The following WWOX variants were observed in gnomAD, a reference collection of about 807,000 sequenced individuals.
The protein encoded by WWOX is WW domain-containing oxidoreductase.
In WWOX, 69 loss-of-function variants were observed where a neutral mutation model predicts 46.2. The ratio of observed to expected loss-of-function variants is 1.49; its 90% CI spans 1.23 to 1.82. The LOEUF (loss-of-function observed/expected upper bound fraction) is 1.82. Among genes scored for constraint, WWOX ranks in the 40% most tolerant of loss-of-function variants. The pLI, the probability that WWOX is intolerant of heterozygous loss-of-function variation, is 0.00. For missense variants in WWOX, 919 were observed against 542.6 expected (o/e 1.69, Z -6.89); for synonymous variants, 359 against 202.6 (o/e 1.77, Z -6.56).
At chr16:78,830,194 G>A (rs6420408) in intron 8 of WWOX, among the ~76,000 whole-genome samples, 1 of 152,094 alleles carries the variant, frequency 6.6e-6, no homozygotes, top group Non-Finnish European at 1.5e-5. Flanking sequence ...AAAGGAGGGA[G>A]AGGATGAAGG....
At chr16:78,680,826 A>G (rs965781444) in intron 8 of WWOX, among the ~76,000 whole-genome samples, 1 of 152,130 alleles carries the variant, frequency 6.6e-6, no homozygotes, top group Admixed American at 6.5e-5. Flanking sequence ...GCTTAGTTTT[A>G]TTGGCCAGGC....
chr16:79,029,356 C>A (rs2047708817), intron 8 of WWOX, among the ~76,000 whole-genome samples: 1 of 152,186 alleles, frequency 6.6e-6, no homozygotes. Flanking sequence ...AGTCTACATG[C>A]CTGTTAATTT....
chr16:78,774,399 C>CA (rs201174042), intron 8 of WWOX, among the ~76,000 whole-genome samples: 27 of 150,298 alleles, frequency 1.8e-4, no homozygotes, highest in East Asian at 3.9e-4. Context: ...GACAATGTCT[C>CA]AAAAAAAAAG....
intron 8 of WWOX, among the ~76,000 whole-genome samples, chr16:78,784,513 T>A (rs946115560): frequency 2.6e-5 from 4 of 152,076 alleles, no homozygotes; most frequent in African/African-American, 9.7e-5. Context: ...CTTGTGACTT[T>A]GAACAAATTA....
intron 8 of WWOX, among the ~76,000 whole-genome samples, chr16:78,882,766 G>C (rs551576196): frequency 5.3e-5 from 8 of 151,594 alleles, no homozygotes; most frequent in Admixed American, 6.6e-5. Flanking sequence ...TGGGATTACA[G>C]GCATGAGCCA....
chr16:78,898,614 T>C (rs1268707706), intron 8 of WWOX: 1 of 152,186 alleles, frequency 6.6e-6, no homozygotes, highest in Non-Finnish European at 1.5e-5. Flanking sequence ...CTTTTACATA[T>C]ATATTTCCTG....
intron 6 of WWOX, among the ~76,000 whole-genome samples, chr16:78,408,833 G>A (rs1315868550): frequency 6.6e-6 from 1 of 152,202 alleles, no homozygotes; most frequent in East Asian, 1.9e-4. Flanking sequence ...CTGGGAACGA[G>A]TGAGGGATTC....
At chr16:78,826,935 G>C (rs528625521) in intron 8 of WWOX, among the ~76,000 whole-genome samples, 1 of 152,114 alleles carries the variant, frequency 6.6e-6, no homozygotes, top group South Asian at 2.1e-4. Context: ...CGGACACCAA[G>C]CTATTACATT....
At chr16:78,585,335 C>T (rs1005740154) in intron 8 of WWOX, among the ~76,000 whole-genome samples, 1 of 152,188 alleles carries the variant, frequency 6.6e-6, no homozygotes, top group Non-Finnish European at 1.5e-5. Flanking sequence ...GACCATCACC[C>T]TGGCTGCCAG....
At chr16:78,121,179 C>G (rs1363591947) in intron 4 of WWOX, among the ~76,000 whole-genome samples, 1 of 152,120 alleles carries the variant, frequency 6.6e-6, no homozygotes. Context: ...TTTTAAAAAC[C>G]TGGTGCTCAT....
At chr16:78,569,680 A>C (rs1404051731) in intron 8 of WWOX, among the ~76,000 whole-genome samples, 1 of 152,156 alleles carries the variant, frequency 6.6e-6, no homozygotes, top group African/African-American at 2.4e-5. Flanking sequence ...ACTCTCAGTG[A>C]GCAGGAAAAT....
chr16:78,494,122 C>T (rs1416091673), intron 8 of WWOX, among the ~76,000 whole-genome samples: 3 of 152,152 alleles, frequency 2.0e-5, no homozygotes, highest in African/African-American at 7.2e-5. Flanking sequence ...AATGTCTTCA[C>T]ATGGCTGGCA....
At chr16:78,272,801 A>G (rs750211030) in intron 5 of WWOX, among the ~76,000 whole-genome samples, 4 of 152,006 alleles carry the variant, frequency 2.6e-5, no homozygotes, top group African/African-American at 4.8e-5. Flanking sequence ...TTAATTCACC[A>G]CACTGTATGC....
At chr16:78,804,332 T>A (rs1196084432) in intron 8 of WWOX, among the ~76,000 whole-genome samples, 3 of 151,832 alleles carry the variant, frequency 2.0e-5, no homozygotes, top group Non-Finnish European at 4.4e-5. Flanking sequence ...CATTACAAGC[T>A]GTTTAGACTC....
intron 8 of WWOX, among the ~76,000 whole-genome samples, chr16:79,132,448 T>C (rs938536094): frequency 6.6e-6 from 1 of 152,152 alleles, no homozygotes; most frequent in Non-Finnish European, 1.5e-5. Context: ...GAAATAGTGT[T>C]TCGTGATTAA....
chr16:78,483,705 A>G (rs934817722), intron 8 of WWOX, among the ~76,000 whole-genome samples: 2 of 152,146 alleles, frequency 1.3e-5, no homozygotes, highest in Non-Finnish European at 1.5e-5. Flanking sequence ...CCAATCTCAC[A>G]AGATACTAAT....
intron 8 of WWOX, among the ~76,000 whole-genome samples, chr16:78,850,758 A>G (rs972099213): frequency 2.6e-5 from 4 of 152,178 alleles, no homozygotes; most frequent in African/African-American, 7.2e-5. Flanking sequence ...AAAGAACCCA[A>G]TCTTATTGGG....
At chr16:78,984,670 C>T (rs1013785392) in intron 8 of WWOX, among the ~76,000 whole-genome samples, 2 of 152,320 alleles carry the variant, frequency 1.3e-5, no homozygotes, top group African/African-American at 2.4e-5. Flanking sequence ...CAAACTGACC[C>T]TTAGGAACCT....
intron 8 of WWOX, chr16:79,077,964 C>G (rs949892284): frequency 1.3e-5 from 2 of 152,140 alleles, no homozygotes; most frequent in Non-Finnish European, 1.5e-5. Flanking sequence ...CCAGGAAACT[C>G]TGTTCCTACC....
Sources: gnomAD v4.1 joint callset for allele counts (sites outside exome capture counted in the v4.1 genomes callset) on GRCh38, gnomAD v4.1.1 for gene constraint, MANE v1.5 for transcripts, NCBI Gene and HGNC (gene_info 2026-07-23, HGNC 2026-07-21) for gene names.